Variants in VCL observed in about 807,000 individuals in gnomAD.
VCL encodes vinculin.
A neutral mutation model predicts 125.7 loss-of-function variants in VCL; 47 were observed. The observed-to-expected ratio is 0.37, with a 90% CI of 0.30 to 0.48. The LOEUF (loss-of-function observed/expected upper bound fraction) is 0.48, where lower values mean the gene tolerates loss of function less well. Ranked by LOEUF, VCL falls within the 20% of genes least tolerant of loss-of-function variation. The pLI is 0.99. For synonymous variants in VCL, 458 were observed against 514.6 expected, an observed-to-expected ratio of 0.89 and a Z score of 1.49; for missense variants, 1,069 against 1,455.5, an observed-to-expected ratio of 0.73 and a Z score of 4.32.
At chr10:74,090,912 C>T (rs923465522) in intron 10 of VCL, among the ~76,000 whole-genome samples, 1 of 151,988 alleles carries the variant, frequency 6.6e-6, no homozygotes, top group Non-Finnish European at 1.5e-5. Context: ...GCCATCCTTC[C>T]ACCTCAGCCT....
intron 1 of VCL, among the ~76,000 whole-genome samples, chr10:74,036,531 T>C (rs1006661989): frequency 2.6e-5 from 4 of 151,838 alleles, no homozygotes; most frequent in Admixed American, 2.6e-4. Flanking sequence ...CTTTAATCCA[T>C]AGGACTTTTT....
intron 1 of VCL, among the ~76,000 whole-genome samples, chr10:74,031,698 T>G (rs1840875374): frequency 6.6e-6 from 1 of 152,092 alleles, no homozygotes; most frequent in Non-Finnish European, 1.5e-5. Context: ...GCAGGCAGAT[T>G]ACTTGAGCCC....
At chr10:74,022,104 T>C (rs770971298) in intron 1 of VCL, among the ~76,000 whole-genome samples, 4 of 152,196 alleles carry the variant, frequency 2.6e-5, no homozygotes, top group East Asian at 1.9e-4. Context: ...CCCTTTCTGA[T>C]TGTATTATTT....
chr10:74,038,895 G>T (rs1381347065), intron 1 of VCL, among the ~76,000 whole-genome samples: 9 of 151,970 alleles, frequency 5.9e-5, no homozygotes, highest in African/African-American at 1.9e-4. Flanking sequence ...CATTGATTTA[G>T]AAGTGATTTT....
At chr10:74,075,456 T>A (rs1185450656) in intron 6 of VCL, 2 of 154,856 alleles carry the variant, frequency 1.3e-5, no homozygotes. Flanking sequence ...CTTCACCCTT[T>A]TTCTGGAATC....
intron 1 of VCL, among the ~76,000 whole-genome samples, chr10:74,032,125 G>T (rs984055755): frequency 7.4e-6 from 1 of 135,182 alleles, no homozygotes; most frequent in African/African-American, 2.8e-5. Context: ...TGTACTTCCA[G>T]CTACTCAGGG....
intron 14 of VCL, 24 bp downstream of exon 14, chr10:74,101,121 A>G: frequency 6.2e-7 from 1 of 1,610,262 alleles, no homozygotes; most frequent in African/African-American, 1.3e-5. Context: ...CATTCCTCAT[A>G]CAGTGTTCAG....
intron 15 of VCL, among the ~76,000 whole-genome samples, chr10:74,104,550 G>C (rs1379087047): frequency 6.6e-6 from 1 of 152,066 alleles, no homozygotes; most frequent in African/African-American, 2.4e-5. Context: ...ATGGCAGCCC[G>C]AGATGAAAGT....
At chr10:74,114,094 A>G (rs900173267) in intron 19 of VCL, 90 bp from the exon 20 acceptor site, 33 of 1,495,730 alleles carry the variant, frequency 2.2e-5, no homozygotes, top group Non-Finnish European at 2.9e-5. Flanking sequence ...TAAGGTGGCA[A>G]GCTCCCTCCT....
chr10:74,087,318 TA>T (rs368854854), intron 8 of VCL, among the ~76,000 whole-genome samples: 18 of 149,058 alleles, frequency 1.2e-4, no homozygotes, highest in African/African-American at 2.7e-4. Flanking sequence ...TTTATTTATT[TA>T]TTTTTTTTTT....
chr10:74,023,822 A>G (rs1231886194), intron 1 of VCL, among the ~76,000 whole-genome samples: 1 of 152,226 alleles, frequency 6.6e-6, no homozygotes, highest in East Asian at 1.9e-4. Context: ...CACAAATAGT[A>G]TTGCTGGAGC....
chr10:74,017,298 C>T (rs1030177491), intron 1 of VCL, among the ~76,000 whole-genome samples: 2 of 151,836 alleles, frequency 1.3e-5, no homozygotes, highest in Non-Finnish European at 2.9e-5. Context: ...CCGCCCGCCT[C>T]GGCCTCCCAA....
Position 74,080,901 on chromosome 10 carries a change from C to T in VCL, c.784-1553C>T, listed in dbSNP as rs1564525634. 2.6e-5 allele frequency among the ~76,000 whole-genome samples: 4 copies of T among 152,256 alleles called. No individual in the cohort carries two copies. In the East Asian group the frequency reaches 7.7e-4, roughly 29 times the overall value. ...AATTTGGAATTAAGCTAAAGTTGAC[C>T]TTTGCATTAATTTTGAAGGCAACGT... On this transcript the variant is annotated intron_variant, in intron 6 of 21. Coordinates refer to ENST00000211998, the MANE Select transcript of VCL (RefSeq NM_014000.3).
rs532770452 is a variant in VCL at position 74,009,405 on chromosome 10, C to T, written c.168+11030C>T. Among the ~76,000 whole-genome samples the T allele has an allele frequency of 3.9e-4, 59 of 150,282 alleles. 1 individual carries two copies. The highest frequency in any genetic ancestry group is 5.3e-4 in the Admixed American group (8 of 15,116). On this transcript the variant is annotated intron_variant, in intron 1 of 21. Coordinates refer to ENST00000211998, the MANE Select transcript of VCL (RefSeq NM_014000.3). Reference sequence around the variant, plus strand: ...TCCCGAGTAGCTGGGACTACAGGCGCCTGCCACCACGCCCGGCTAATTTTT... The same window carrying T: ...TCCCGAGTAGCTGGGACTACAGGCGTCTGCCACCACGCCCGGCTAATTTTT...
intron 2 of VCL, among the ~76,000 whole-genome samples, chr10:74,043,492 G>A (rs546952024): frequency 2.6e-4 from 39 of 152,034 alleles, no homozygotes; most frequent in Non-Finnish European, 4.9e-4. Context: ...GATTATAGGC[G>A]CGTGCCACCA....
At chr10:74,066,142 C>T (rs1274132899) in intron 2 of VCL, among the ~76,000 whole-genome samples, 1 of 149,778 alleles carries the variant, frequency 6.7e-6, no homozygotes, top group Non-Finnish European at 1.5e-5. Context: ...TCACCGCAAC[C>T]TCCGCCTCCC....
chr10:74,095,436 C>A lies in VCL; in HGVS notation c.1544-220C>A, dbSNP rs1023852759. Among the ~76,000 whole-genome samples the A allele has an allele frequency of 3.9e-5, 6 of 152,088 alleles. No homozygotes were observed. The East Asian group carries it at 5.8e-4, about 15-fold the overall frequency. ...TGAGACCCTGTCTCTCTAAAAAAAA[C>A]CAATTAGCCAGGTATGGTGGTGCAC... On this transcript the variant is annotated intron_variant, in intron 11 of 21. Coordinates refer to ENST00000211998, the MANE Select transcript of VCL (RefSeq NM_014000.3).
chr10:74,053,945 T>A (rs2136258488), intron 2 of VCL, among the ~76,000 whole-genome samples: 1 of 152,268 alleles, frequency 6.6e-6, no homozygotes, highest in Admixed American at 6.5e-5. Flanking sequence ...AAAATTATTT[T>A]TTAAAGTTTT....
chr10:74,111,810 C>G (rs2131936919), intron 18 of VCL, 99 bp from the exon 19 acceptor site: 1 of 1,436,318 alleles, frequency 7.0e-7, no homozygotes, highest in East Asian at 2.4e-5. Context: ...TCATCCTAGG[C>G]AGGCTTTGGT....
Sources: allele counts gnomAD v4.1 joint callset (sites outside exome capture counted in the v4.1 genomes callset), GRCh38; gene constraint gnomAD v4.1.1; transcripts MANE v1.5; gene names NCBI Gene and HGNC (gene_info 2026-07-23, HGNC 2026-07-21).